SRP72: variants seen among roughly 807,000 people sequenced by gnomAD.
SRP72 encodes signal recognition particle subunit SRP72.
SRP72 carries 49 observed loss-of-function variants against 96.3 expected under a neutral mutation model. That is an observed-to-expected ratio of 0.51 (90% CI 0.40 to 0.65). The LOEUF (loss-of-function observed/expected upper bound fraction) is 0.65, where lower values mean the gene tolerates loss of function less well. Among genes scored for constraint, SRP72 ranks in the 30% least tolerant of loss-of-function variants. The pLI is 0.00. For missense variants in SRP72, 736 were observed against 793.3 expected, an observed-to-expected ratio of 0.93 and a Z score of 0.87; for synonymous variants, 267 against 275.2, an observed-to-expected ratio of 0.97 and a Z score of 0.30.
chr4:56,500,335 T>G (rs1721219754), intron 17 of SRP72: 2 of 509,690 alleles, frequency 3.9e-6, no homozygotes, highest in African/African-American at 3.8e-5. Flanking sequence ...CTGCACGTTC[T>G]GCGCATGTAT....
intron 5 of SRP72, chr4:56,476,431 T>C (rs1450526375): frequency 7.9e-6 from 4 of 505,358 alleles, no homozygotes; most frequent in Non-Finnish European, 1.4e-5. Flanking sequence ...TTTAATGCAC[T>C]TTACAAATAT....
chr4:56,475,176 A>G (rs1370522605), intron 5 of SRP72, among the ~76,000 whole-genome samples: 1 of 146,978 alleles, frequency 6.8e-6, no homozygotes, highest in African/African-American at 2.6e-5. Context: ...AGGGGTTAAA[A>G]TGAGATCACA....
At position 56,491,432 on chromosome 4, in the gene SRP72, C is replaced by G; in HGVS notation, c.1504C>G (p.Leu502Val). ...TCCTGAACTCCTGTTCTATCACAGT[C>G]TTAGTAAACACTTGCCATCGTCAGA... The part of the protein sequence containing the change: ...SLVDPEKAKA[L>V]SKHLPSSDSM... The change falls in exon 16 of 19, where the codon CTT becomes GTT. Residue 502 changes from leucine (L) to valine (V), a missense_variant and splice_region_variant. By Grantham distance (32) the Leu-to-Val change is conservative. This residue lies in a region of SRP72 where 388 missense variants were observed against 431.8 expected (regional missense o/e 0.90). Coordinates refer to ENST00000642900, the MANE Select transcript of SRP72 (RefSeq NM_006947.4). The G allele has an allele frequency of 6.2e-7, 1 of 1,613,422 alleles. No homozygotes were observed. The highest frequency in any genetic ancestry group is 1.1e-5 in the South Asian group (1 of 90,972).
At position 56,483,197 on chromosome 4, in the gene SRP72, A is replaced by C. The variant is rs1720569211; in HGVS notation, c.884A>C (p.Glu295Ala). 1.9e-6 allele frequency: 3 copies of C among 1,612,266 alleles called. No individual in the cohort carries two copies. The highest frequency in any genetic ancestry group is 1.7e-6 in the Non-Finnish European group (2 of 1,179,796). The change falls in exon 9 of 19, where the codon GAG (glutamate) becomes GCG (alanine). Residue 295 changes from glutamate (E) to alanine (A), a missense_variant. Glu to Ala is a moderately radical substitution (Grantham distance 107). Coordinates refer to ENST00000642900, the MANE Select transcript of SRP72 (RefSeq NM_006947.4). ...KVKLTNAEGV[E>A]FKLSKKQLQA... is the part of the protein sequence containing the mutation. ...AAATTAACCAATGCGGAAGGAGTAG[A>C]GTTTAAGCTTTCCAAGAAACAACTA...
chr4:56,468,445 A>G (rs1322799382), intron 1 of SRP72, among the ~76,000 whole-genome samples: 1 of 151,322 alleles, frequency 6.6e-6, no homozygotes, highest in Admixed American at 6.6e-5. Flanking sequence ...GGTTTAATTC[A>G]TCATATTCTT....
chr4:56,494,517 C>T (rs1311410543), intron 16 of SRP72, among the ~76,000 whole-genome samples: 1 of 151,602 alleles, frequency 6.6e-6, no homozygotes, highest in African/African-American at 2.4e-5. Context: ...GATTCTCCTG[C>T]CTCAGCCTCC....
intron 17 of SRP72, among the ~76,000 whole-genome samples, chr4:56,498,046 C>T (rs1353325362): frequency 6.6e-6 from 1 of 151,910 alleles, no homozygotes; most frequent in African/African-American, 2.4e-5. Context: ...GGATTTTTTT[C>T]CACTCCTCTA....
chr4:56,467,672 G>T lies in SRP72; in HGVS notation c.37G>T (p.Ala13Ser), dbSNP rs781230154. The T allele has an allele frequency of 4.1e-5, 65 of 1,566,490 alleles. 1 individual carries two copies. In the South Asian group the frequency reaches 7.2e-4, roughly 17 times the overall value. ...CGGCAGCGGGGGGGTGTCAGTACCT[G>T]CGCTGTGGAGTGAAGTGAACCGGTA... ...SGGSGGVSVPALWSEVNRYGQ... is the reference protein window; with the variant it reads ...SGGSGGVSVPSLWSEVNRYGQ... The change falls in exon 1 of 19, where the codon GCG (alanine) becomes TCG (serine). Residue 13 changes from alanine (A) to serine (S), a missense_variant. By Grantham distance (99) the Ala-to-Ser change is moderately conservative. This residue lies in a region of SRP72 where 329 missense variants were observed against 319.0 expected (regional missense o/e 1.03). Transcript: ENST00000642900.
At chr4:56,492,789 T>C (rs1455714633) in intron 16 of SRP72, among the ~76,000 whole-genome samples, 2 of 152,136 alleles carry the variant, frequency 1.3e-5, no homozygotes, top group Non-Finnish European at 2.9e-5. Flanking sequence ...TGTTTACTAT[T>C]TTTTTCTTCC....
At chr4:56,500,370 TAA>T in intron 17 of SRP72, 164 bp from the exon 18 acceptor site, 1 of 693,004 alleles carries the variant, frequency 1.4e-6, no homozygotes, top group Non-Finnish European at 2.3e-6. Flanking sequence ...TATAATAATT[TAA>T]AAAAAAAGAC....
At chr4:56,481,460 T>C (rs1369394335) in intron 8 of SRP72, among the ~76,000 whole-genome samples, 1 of 152,184 alleles carries the variant, frequency 6.6e-6, no homozygotes, top group East Asian at 1.9e-4. Context: ...TTAATAGGAC[T>C]TTCTTTGGGC....
At chr4:56,482,187 A>ATC (rs1720522566) in intron 8 of SRP72, among the ~76,000 whole-genome samples, 1 of 150,756 alleles carries the variant, frequency 6.6e-6, no homozygotes, top group Non-Finnish European at 1.5e-5. Context: ...CACGCCTGTA[A>ATC]TCCCAGGACT....
At chr4:56,484,985 A>G (rs902811838) in intron 10 of SRP72, 121 bp downstream of exon 10, 34 of 1,207,678 alleles carry the variant, frequency 2.8e-5, no homozygotes, top group Admixed American at 2.1e-4. Context: ...GTACCACTAC[A>G]CAAATTTCAT....
intron 17 of SRP72, among the ~76,000 whole-genome samples, chr4:56,498,225 C>T (rs1249734375): frequency 1.3e-4 from 19 of 151,852 alleles, no homozygotes; most frequent in Non-Finnish European, 2.5e-4. Context: ...AATTCAACAC[C>T]CCTTCATGCT....
chr4:56,468,422 G>C (rs763335101), intron 1 of SRP72, among the ~76,000 whole-genome samples: 4 of 152,042 alleles, frequency 2.6e-5, no homozygotes, highest in Non-Finnish European at 5.9e-5. Context: ...GGTTTTTACC[G>C]CCTTTGGTGT....
chr4:56,474,587 A>G (rs1325795155), intron 5 of SRP72, 196 bp downstream of exon 5: 1 of 599,618 alleles, frequency 1.7e-6, no homozygotes, highest in Non-Finnish European at 2.9e-6. Context: ...CCTGTTGCCC[A>G]GGCTGGAGTA....
At chr4:56,473,714 A>G (rs1720081687) in intron 3 of SRP72, among the ~76,000 whole-genome samples, 1 of 151,814 alleles carries the variant, frequency 6.6e-6, no homozygotes, top group African/African-American at 2.4e-5. Context: ...GCAGTGAGCC[A>G]AGATCGCGCC....
chr4:56,477,537 C>G (rs966778080), intron 6 of SRP72, among the ~76,000 whole-genome samples: 1 of 152,008 alleles, frequency 6.6e-6, no homozygotes, highest in Non-Finnish European at 1.5e-5. Context: ...AAGCGACCCT[C>G]CCACCTCAGC....
At position 56,488,302 on chromosome 4, in the gene SRP72, C is replaced by T. The variant is rs17086860; in HGVS notation, c.1224+289C>T. Among the ~76,000 whole-genome samples the T allele has an allele frequency of 0.044, 6,722 of 152,234 alleles. 454 individuals carry two copies. The highest frequency in any genetic ancestry group is 0.15 in the African/African-American group (6,246 of 41,518). On this transcript the variant is annotated intron_variant, in intron 12 of 18. Coordinates refer to ENST00000642900, the MANE Select transcript of SRP72 (RefSeq NM_006947.4). ...ATTTCTTAGCCTATATCATTTTCGTCAGTGTGATTTCTTTAAATTAGAACA... is the reference window on the plus strand; with the variant it reads ...ATTTCTTAGCCTATATCATTTTCGTTAGTGTGATTTCTTTAAATTAGAACA...
Sources: allele counts gnomAD v4.1 joint callset (sites outside exome capture counted in the v4.1 genomes callset), GRCh38; gene constraint gnomAD v4.1.1; regional missense constraint gnomAD v4.1.1; transcripts MANE v1.5; gene names NCBI Gene and HGNC (gene_info 2026-07-23, HGNC 2026-07-21).